Variants in NIPAL3 observed in about 807,000 individuals in gnomAD.
The protein encoded by NIPAL3 is NIPA-like protein 3.
In NIPAL3, 41 loss-of-function variants were observed where a neutral mutation model predicts 47.2. That is an observed-to-expected ratio of 0.87 (90% CI 0.68 to 1.13). The LOEUF (loss-of-function observed/expected upper bound fraction) is 1.13, where lower values mean the gene tolerates loss of function less well. Among genes scored for constraint, NIPAL3 ranks in the 50% most tolerant of loss-of-function variants. The pLI is 0.00. For synonymous variants in NIPAL3, 194 were observed against 209.6 expected (o/e 0.93, Z 0.64); for missense variants, 449 against 530.1 (o/e 0.85, Z 1.50).
chr1:24,463,402 G>A (rs1410658905), intron 10 of NIPAL3, among the ~76,000 whole-genome samples: 1 of 152,166 alleles, frequency 6.6e-6, no homozygotes. Flanking sequence ...TTTCTGAGGG[G>A]GATGGACGTA....
At chr1:24,430,545 A>G (rs1028353157) in intron 2 of NIPAL3, among the ~76,000 whole-genome samples, 32 of 152,154 alleles carry the variant, frequency 2.1e-4, no homozygotes, top group Admixed American at 1.4e-3. Context: ...CCACCGTGCT[A>G]GGCTCCAGTA....
At chr1:24,466,245 A>C in intron 11 of NIPAL3, 4 of 635,648 alleles carry the variant, frequency 6.3e-6, no homozygotes, top group South Asian at 2.1e-5. Context: ...GCCACTCTGC[A>C]GCTGTGATGG....
At chr1:24,443,307 G>A (rs1355195943) in intron 4 of NIPAL3, among the ~76,000 whole-genome samples, 2 of 152,194 alleles carry the variant, frequency 1.3e-5, no homozygotes, top group South Asian at 2.1e-4. Context: ...TAGCAGCCAG[G>A]ACAATGAACT....
rs780333764 is a variant in NIPAL3, at chr1:24,464,132, G to C, written c.1021+12G>C. 1.9e-6 allele frequency: 3 copies of C among 1,606,830 alleles called. No individual in the cohort carries two copies. The highest frequency in any genetic ancestry group is 2.6e-6 in the Non-Finnish European group (3 of 1,174,276). ...GGATGCCATGCCAGGTAAGGTTAAA[G>C]CCCCGTGGGTCTAGCTGAACATCCA... On this transcript the variant is annotated intron_variant, in intron 11 of 11. Transcript: ENST00000374399.
rs1048078623 is a variant in NIPAL3, at chr1:24,416,691, C to G, written c.-258+787C>G. 1.3e-5 allele frequency: 2 copies of G among 152,064 alleles called. No individual in the cohort carries two copies. The highest frequency in any genetic ancestry group is 4.8e-5 in the African/African-American group (2 of 41,368). The allele number at this position is 152,064 out of a possible 1,614,324, so 9.4% of individuals were successfully genotyped here. A position where few individuals can be genotyped will look rare whatever the true frequency, so the allele number is the denominator to read the frequency against. On this transcript the variant is annotated intron_variant, in intron 1 of 11. Transcript: ENST00000374399. This position sits in a 1 kb window ranked among gnomAD's most constrained non-coding sequence, Gnocchi z 4.8. ...ATATGTAGGTCCTGAAGAAATGCTT[C>G]GAAATCAGGAAAAGAGAGTCACCAG...
intron 1 of NIPAL3, among the ~76,000 whole-genome samples, chr1:24,417,908 G>C (rs1644134190): frequency 6.6e-6 from 1 of 152,218 alleles, no homozygotes; most frequent in Non-Finnish European, 1.5e-5. Context: ...CTCACAGTGA[G>C]CCCTCAGTAA....
At position 24,470,818 on chromosome 1, in the gene NIPAL3, A is replaced by G. The variant is rs1252971087; in HGVS notation, c.*1633A>G. 6.6e-6 allele frequency: 1 copy of G among 152,212 alleles called. No individual in the cohort carries two copies. Among genetic ancestry groups the G allele is most frequent in the Admixed American group, 6.5e-5 (1 of 15,292 alleles). 9.4% of individuals were successfully genotyped at this position (152,212 alleles called of 1,614,324 possible). A position where few individuals can be genotyped will look rare whatever the true frequency, so the allele number is the denominator to read the frequency against. On this transcript the variant is annotated 3_prime_UTR_variant, in exon 12 of 12. Coordinates refer to ENST00000374399, the MANE Select transcript of NIPAL3 (RefSeq NM_020448.5). ...TGTATTGCGTCTTAACCACTTCTGT[A>G]TTGTGTGGTCTTAACTGCCTAAGGC... is the stretch of plus-strand genomic sequence containing the variant.
Position 24,449,975 on chromosome 1 carries a change from A to G in NIPAL3, c.540+349A>G, listed in dbSNP as rs1171050711. 6.6e-6 allele frequency among the ~76,000 whole-genome samples: 1 copy of G among 152,216 alleles called. No individual in the cohort carries two copies. Among genetic ancestry groups the G allele is most frequent in the Non-Finnish European group, 1.5e-5 (1 of 68,034 alleles). On this transcript the variant is annotated intron_variant, in intron 6 of 11. Transcript: ENST00000374399. This position sits in a 1 kb window ranked among gnomAD's most constrained non-coding sequence, Gnocchi z 4.5. ...TGTTTCTCAAATGACATGTATGAGA[A>G]TGTTCACAGCAACATTATTTTTTAT...
At position 24,423,721 on chromosome 1, in the gene NIPAL3, A is replaced by G. The variant is rs182244857; in HGVS notation, c.93+4081A>G. Among the ~76,000 whole-genome samples the G allele has an allele frequency of 5.3e-5, 8 of 152,314 alleles. No individual in the cohort carries two copies. The East Asian group carries it at 1.5e-3, about 29-fold the overall frequency. ...GTTAGAAGCAGAGGGCATGTGGGGA[A>G]AGCTTAGATCAGAGCCTTTATTGTG... On this transcript the variant is annotated intron_variant, in intron 2 of 11. Coordinates refer to ENST00000374399, the MANE Select transcript of NIPAL3 (RefSeq NM_020448.5).
Position 24,446,850 on chromosome 1 carries a change from T to C in NIPAL3, c.394+1606T>C, listed in dbSNP as rs1437112677. ...CTAGGACTTTGAGGAATCACCACAC[T>C]GTCTTCCACAATCGTTGAACTAATT... On this transcript the variant is annotated intron_variant, in intron 5 of 11. Transcript: ENST00000374399. Among the ~76,000 whole-genome samples the C allele has an allele frequency of 2.6e-5, 4 of 152,226 alleles. No homozygotes were observed. In the East Asian group the frequency reaches 7.7e-4, roughly 29 times the overall value.
intron 5 of NIPAL3, among the ~76,000 whole-genome samples, chr1:24,446,730 A>G (rs1645687342): frequency 6.6e-6 from 1 of 152,190 alleles, no homozygotes; most frequent in Non-Finnish European, 1.5e-5. Flanking sequence ...TGCAGTGAAC[A>G]TATGTGCACA....
intron 6 of NIPAL3, 50 bp from the exon 7 acceptor site, chr1:24,453,358 C>T (rs368502434): frequency 2.4e-5 from 33 of 1,379,560 alleles, no homozygotes; most frequent in Admixed American, 5.2e-5. Context: ...CTCCCGGTCT[C>T]GCCTACTTCT....
intron 11 of NIPAL3, among the ~76,000 whole-genome samples, chr1:24,468,337 T>TAAAC (rs946490912): frequency 2.0e-5 from 3 of 151,878 alleles, no homozygotes; most frequent in Non-Finnish European, 2.9e-5. Context: ...AATAAATAAA[T>TAAAC]AAACAAACAA....
In NIPAL3 at chr1:24,454,607, C is replaced by A; in HGVS notation, c.637+1103C>A. 2.2e-6 allele frequency: 2 copies of A among 916,424 alleles called. No homozygotes were observed. The highest frequency in any genetic ancestry group is 2.6e-6 in the Non-Finnish European group (2 of 767,058). 56.8% of individuals were successfully genotyped at this position (916,424 alleles called of 1,614,324 possible). A position where few individuals can be genotyped will look rare whatever the true frequency, so the allele number is the denominator to read the frequency against. On this transcript the variant is annotated intron_variant, in intron 7 of 11. Transcript: ENST00000374399. This position sits in a 1 kb window ranked among gnomAD's most constrained non-coding sequence, Gnocchi z 4.1. ...ATAAAGTTCACCTGTTTAAAGTATA[C>A]AATTCAGTGGTTTTTAGTATTTCAT...
intron 10 of NIPAL3, among the ~76,000 whole-genome samples, chr1:24,460,898 A>C (rs943560640): frequency 1.3e-5 from 2 of 152,214 alleles, no homozygotes; most frequent in Non-Finnish European, 2.9e-5. Context: ...GAAGATGAGG[A>C]GGCCCGCCTA....
chr1:24,421,586 T>C (rs1335776804), intron 2 of NIPAL3, among the ~76,000 whole-genome samples: 1 of 152,236 alleles, frequency 6.6e-6, no homozygotes, highest in East Asian at 1.9e-4. Context: ...TGAGCATTTA[T>C]TCTATCCCAG....
intron 2 of NIPAL3, among the ~76,000 whole-genome samples, chr1:24,429,347 A>G (rs1644774119): frequency 2.0e-4 from 1 of 4,934 alleles, no homozygotes; most frequent in East Asian, 0.25. Flanking sequence ...TTTCTGGCAA[A>G]TTTAAACTTG....
intron 2 of NIPAL3, among the ~76,000 whole-genome samples, chr1:24,424,758 C>T (rs959382848): frequency 6.6e-6 from 1 of 152,172 alleles, no homozygotes; most frequent in Non-Finnish European, 1.5e-5. Context: ...CTACCTGGTC[C>T]AGTCGGTGAT....
rs532176914 is a variant in NIPAL3, at chr1:24,423,601, G to T, written c.93+3961G>T. On this transcript the variant is annotated intron_variant, in intron 2 of 11. Coordinates refer to ENST00000374399, the MANE Select transcript of NIPAL3 (RefSeq NM_020448.5). ...GCCGAGATCGCACCACTGCACTCCA[G>T]CCTGGGGGACAGATCGAGACTCCGC... 4.6e-5 allele frequency among the ~76,000 whole-genome samples: 7 copies of T among 152,270 alleles called. No individual in the cohort carries two copies. In the East Asian group the frequency reaches 1.4e-3, roughly 29 times the overall value.
Sources: gnomAD v4.1 joint callset for allele counts (sites outside exome capture counted in the v4.1 genomes callset) on GRCh38, gnomAD v4.1.1 for gene constraint, Gnocchi (gnomAD v3.1) non-coding constraint, MANE v1.5 for transcripts, NCBI Gene and HGNC (gene_info 2026-07-23, HGNC 2026-07-21) for gene names.